ZNF385D: variants seen among roughly 807,000 people sequenced by gnomAD.
ZNF385D encodes zinc finger protein 659.
A neutral mutation model predicts 35.8 loss-of-function variants in ZNF385D; 15 were observed. The ratio of observed to expected loss-of-function variants is 0.42; its 90% CI spans 0.28 to 0.64. ZNF385D has a LOEUF of 0.64. ZNF385D is among the 30% of genes least tolerant of loss of function. The probability of loss-of-function intolerance (pLI) is 0.23; values close to 1 mark genes in which losing one functional copy is unlikely to be tolerated. For missense variants in ZNF385D, 474 were observed against 494.6 expected (o/e 0.96, Z 0.39); for synonymous variants, 212 against 186.8 (o/e 1.13, Z -1.10).
rs1465143112 is a variant in ZNF385D, at chr3:21,455,264, A to G, written c.440-18061T>C. Among the ~76,000 whole-genome samples, 7 of 151,852 alleles carry G rather than the reference A, an allele frequency of 4.6e-5. No individual in the cohort carries two copies. The East Asian group carries it at 1.2e-3, about 25-fold the overall frequency. ...AAAGTTCATATGGAACCAAAAAAGA[A>G]CCCGCATCGCCAAGTCAATCCTAAG... On this transcript the variant is annotated intron_variant, in intron 4 of 7. Coordinates refer to ENST00000281523, the MANE Select transcript of ZNF385D (RefSeq NM_024697.3).
chr3:21,991,366 G>C (rs6550647), intron 3 of ZNF385D, among the ~76,000 whole-genome samples: 34,065 of 152,064 alleles, frequency 0.22, 7,406 homozygotes, highest in African/African-American at 0.57. Context: ...CAGATCTATA[G>C]CCACATGCCA....
chr3:22,343,777 AT>A (rs1311939130), intron 2 of ZNF385D, among the ~76,000 whole-genome samples: 1 of 152,014 alleles, frequency 6.6e-6, no homozygotes, highest in Non-Finnish European at 1.5e-5. Context: ...ATATTTTACT[AT>A]TTTTTTCTTT....
chr3:21,643,577 C>T (rs1401086325), intron 2 of ZNF385D, among the ~76,000 whole-genome samples: 1 of 152,092 alleles, frequency 6.6e-6, no homozygotes. Context: ...TCCCAGAATG[C>T]TCCTGTGACA....
intron 2 of ZNF385D, among the ~76,000 whole-genome samples, chr3:22,292,654 G>C (rs1702361000): frequency 6.6e-6 from 1 of 152,068 alleles, no homozygotes; most frequent in Non-Finnish European, 1.5e-5. Flanking sequence ...ATAAGGGAAG[G>C]AATCAGATAC....
chr3:21,941,661 A>C (rs1236919318), intron 3 of ZNF385D, among the ~76,000 whole-genome samples: 1 of 151,602 alleles, frequency 6.6e-6, no homozygotes, highest in Non-Finnish European at 1.5e-5. Context: ...CCACGTCCGG[A>C]TAATTTTTTG....
At chr3:21,843,247 C>A (rs1695790859) in intron 3 of ZNF385D, among the ~76,000 whole-genome samples, 1 of 152,020 alleles carries the variant, frequency 6.6e-6, no homozygotes, top group African/African-American at 2.4e-5. Context: ...GGTTTAAGAA[C>A]CAGCAGGTAG....
chr3:22,071,644 T>G (rs1185908915), intron 3 of ZNF385D, among the ~76,000 whole-genome samples: 1 of 152,142 alleles, frequency 6.6e-6, no homozygotes, highest in Non-Finnish European at 1.5e-5. Context: ...TCAACATACT[T>G]AGAAAATATC....
chr3:21,888,087 T>A (rs1029204599), intron 3 of ZNF385D, among the ~76,000 whole-genome samples: 7 of 152,094 alleles, frequency 4.6e-5, no homozygotes, highest in Non-Finnish European at 7.4e-5. Flanking sequence ...GCTCCCCCCC[T>A]TTTTTGGAAA....
At position 21,934,951 on chromosome 3, in the gene ZNF385D, G is replaced by A. The variant is rs149276187; in HGVS notation, c.325+233866C>T. Among the ~76,000 whole-genome samples the A allele has an allele frequency of 2.5e-3, 378 of 152,290 alleles. 1 individual carries two copies. The highest frequency in any genetic ancestry group is 8.7e-3 in the African/African-American group (360 of 41,570). On this transcript the variant is annotated intron_variant, in intron 3 of 5. Transcript: ENST00000494108. Reference sequence around the variant, plus strand: ...CACATATATTAGCTATGTCTTAGTTGATGTGAGTAAGAAGATGAGCAAAAA... The same window carrying A: ...CACATATATTAGCTATGTCTTAGTTAATGTGAGTAAGAAGATGAGCAAAAA...
At position 21,428,933 on chromosome 3, in the gene ZNF385D, C is replaced by CTTTTTTTTTTTTTTTTTTTTTTTT. The variant is rs56827844; in HGVS notation, c.674-3264_674-3263insAAAAAAAAAAAAAAAAAAAAAAAA. On this transcript the variant is annotated intron_variant, in intron 5 of 7. Transcript: ENST00000281523. ...GCACGGCATAAGGCTCCAAGAAATC[C>CTTTTTTTTTTTTTTTTTTTTTTTT]TTTTTTTTTTTTGCTTTCTGCTTAA... 1.1e-3 allele frequency among the ~76,000 whole-genome samples: 126 copies of CTTTTTTTTTTTTTTTTTTTTTTTT among 111,934 alleles called. 4 individuals carry two copies. The highest frequency in any genetic ancestry group is 1.5e-3 in the Non-Finnish European group (83 of 54,718). 73.4% of individuals were successfully genotyped at this position (111,934 alleles called of 152,430 possible).
intron 2 of ZNF385D, among the ~76,000 whole-genome samples, chr3:22,359,999 G>T (rs1266455548): frequency 6.6e-6 from 1 of 151,796 alleles, no homozygotes; most frequent in African/African-American, 2.4e-5. Context: ...TGAATGGGAG[G>T]CTAGAGCAAA....
chr3:22,217,941 T>C (rs975192968), intron 2 of ZNF385D, among the ~76,000 whole-genome samples: 2 of 152,140 alleles, frequency 1.3e-5, no homozygotes, highest in African/African-American at 2.4e-5. Context: ...GGTCACTCCC[T>C]CTCTTTCAAA....
chr3:21,451,270 G>A (rs775670180), intron 4 of ZNF385D, among the ~76,000 whole-genome samples: 14 of 151,870 alleles, frequency 9.2e-5, no homozygotes, highest in East Asian at 1.9e-4. Flanking sequence ...TTTCTGAGAC[G>A]CTAATAAAAA....
rs1260090872 is a variant in ZNF385D, at chr3:22,123,958, CTCTCTATATATATA to C, written c.325+44845_325+44858del. Among the ~76,000 whole-genome samples, 458 of 79,728 alleles carry C rather than the reference CTCTCTATATATATA, an allele frequency of 5.7e-3. 2 individuals carry two copies. Among genetic ancestry groups the C allele is most frequent in the African/African-American group, 0.016 (382 of 24,222 alleles). The allele number at this position is 79,728 out of a possible 152,430, so 52.3% of individuals were successfully genotyped here. A position where few individuals can be genotyped will look rare whatever the true frequency, so the allele number is the denominator to read the frequency against. On this transcript the variant is annotated intron_variant, in intron 3 of 5. Transcript: ENST00000494108. ...TCTCTCTCTCTCTCTCTCTCTCTCT[CTCTCTATATATATA>C]TATATATATATATATATTGCTGACT... is the stretch of plus-strand genomic sequence containing the variant.
At chr3:21,542,830 T>TC (rs2062224116) in intron 3 of ZNF385D, 1 of 152,202 alleles carries the variant, frequency 6.6e-6, no homozygotes, top group Non-Finnish European at 1.5e-5. Context: ...TCCCTTTTTT[T>TC]CTTCCCGCCG....
intron 2 of ZNF385D, among the ~76,000 whole-genome samples, chr3:21,607,529 C>T (rs1333186263): frequency 6.6e-6 from 1 of 152,128 alleles, no homozygotes; most frequent in African/African-American, 2.4e-5. Context: ...ATTGATGAGG[C>T]CAAACAATGT....
chr3:22,198,260 T>A (rs1364850244), intron 2 of ZNF385D, among the ~76,000 whole-genome samples: 1 of 152,050 alleles, frequency 6.6e-6, no homozygotes, highest in Non-Finnish European at 1.5e-5. Context: ...AAGATAAAGA[T>A]TGTATATTTA....
At chr3:21,918,210 C>T (rs1005100339) in intron 3 of ZNF385D, among the ~76,000 whole-genome samples, 3 of 152,264 alleles carry the variant, frequency 2.0e-5, no homozygotes, top group Admixed American at 1.3e-4. Context: ...TGAAAATCTG[C>T]GTGCTATATG....
intron 3 of ZNF385D, among the ~76,000 whole-genome samples, chr3:21,964,433 G>C: frequency 1.1e-5 from 1 of 94,474 alleles, no homozygotes; most frequent in Admixed American, 1.8e-4. Flanking sequence ...AAAAAAAAAA[G>C]AAAAAAAAAA....
Sources: gnomAD v4.1 joint callset for allele counts (sites outside exome capture counted in the v4.1 genomes callset) on GRCh38, gnomAD v4.1.1 for gene constraint, MANE v1.5 for transcripts, NCBI Gene and HGNC (gene_info 2026-07-23, HGNC 2026-07-21) for gene names.